CSF3R: variants seen among roughly 807,000 people sequenced by gnomAD.
The protein encoded by CSF3R is granulocyte colony-stimulating factor receptor.
CSF3R carries 52 observed loss-of-function variants against 84.4 expected under a neutral mutation model. That is an observed-to-expected ratio of 0.62 (90% CI 0.49 to 0.78). The LOEUF (loss-of-function observed/expected upper bound fraction) is 0.78, where lower values mean the gene tolerates loss of function less well. Among genes scored for constraint, CSF3R ranks in the 30% least tolerant of loss-of-function variants. The probability of loss-of-function intolerance (pLI) is 0.00; values close to 1 mark genes in which losing one functional copy is unlikely to be tolerated. For synonymous variants in CSF3R, 384 were observed against 429.1 expected (o/e 0.89, Z 1.30); for missense variants, 890 against 1,055.7 (o/e 0.84, Z 2.17).
rs759137820 is a variant in CSF3R, at chr1:36,467,347, C to A, written c.1959-36G>T. 97 of 1,601,414 alleles carry A rather than the reference C, an allele frequency of 6.1e-5. No individual in the cohort carries two copies. Among genetic ancestry groups the A allele is most frequent in the Non-Finnish European group, 7.8e-5 (91 of 1,168,644 alleles). On this transcript the variant is annotated intron_variant, in intron 15 of 16. Coordinates refer to ENST00000373106, the MANE Select transcript of CSF3R (RefSeq NM_000760.4). The surrounding 1 kb of genome is among the most constrained non-coding windows in gnomAD (Gnocchi z 4.1). ...GGGCAGGTGGAGGCTGAGTCAGACA[C>A]ACCCTCCGATCTTTCCATTTTTTGT...
At chr1:36,471,775 C>A (rs373866045) in intron 9 of CSF3R, 129 bp from the exon 10 acceptor site, 1 of 920,506 alleles carries the variant, frequency 1.1e-6, no homozygotes, top group Non-Finnish European at 1.7e-6. Flanking sequence ...TTCTCACCCC[C>A]CTCCCCTTTT....
chr1:36,477,507 G>C (rs1388821624), intron 3 of CSF3R: 2 of 151,864 alleles, frequency 1.3e-5, no homozygotes, highest in Non-Finnish European at 2.9e-5. Context: ...TGATCCACCC[G>C]CCTCAGCCTC....
chr1:36,466,955 C>A lies in CSF3R; in HGVS notation c.2041-128G>T. ...GTTACTGGTGGAACACAAAGGGTAC[C>A]ACTTGCAAAGCACTAGTATGTTCCT... On this transcript the variant is annotated intron_variant, in intron 16 of 16. Transcript: ENST00000373106. The surrounding 1 kb of genome is among the most constrained non-coding windows in gnomAD (Gnocchi z 4.6). 6.2e-7 allele frequency: 1 copy of A among 1,606,912 alleles called. No individual in the cohort carries two copies. The highest frequency in any genetic ancestry group is 1.1e-5 in the South Asian group (1 of 90,668).
In CSF3R at chr1:36,466,714, A is replaced by C. The variant is rs753273877; in HGVS notation, c.2154T>G (p.Cys718Trp). The C allele has an allele frequency of 1.2e-6, 2 of 1,614,190 alleles. No individual in the cohort carries two copies. The highest frequency in any genetic ancestry group is 3.3e-5 in the Admixed American group (2 of 60,022). The stretch of plus-strand genomic sequence containing the variant: ...AGGTCTGGACCAGAGTGGGGAGGCC[A>C]CAGGTCTCTGAGCTGTTATGGGACT... ...PWESHNSSET[C>W]GLPTLVQTYV... Residue 718 changes from cysteine (C) to tryptophan (W), a missense_variant, in exon 17 of 17, where the codon TGT becomes TGG. Transcript: ENST00000373106. This position sits in a 1 kb window ranked among gnomAD's most constrained non-coding sequence, Gnocchi z 4.6.
At chr1:36,474,764 C>A (rs567988060) in intron 4 of CSF3R, among the ~76,000 whole-genome samples, 27 of 152,120 alleles carry the variant, frequency 1.8e-4, no homozygotes, top group Non-Finnish European at 3.1e-4. Context: ...CCTGGAGACA[C>A]CCTCAGATGG....
intron 3 of CSF3R, chr1:36,475,950 A>G (rs975666211): frequency 1.5e-5 from 6 of 394,250 alleles, no homozygotes; most frequent in African/African-American, 1.2e-4. Flanking sequence ...AAGTGCTCTC[A>G]CTGTAGCTGA....
At chr1:36,475,709 C>T (rs1449036504) in intron 3 of CSF3R, 36 bp from the exon 4 acceptor site, 3 of 1,590,286 alleles carry the variant, frequency 1.9e-6, no homozygotes, top group East Asian at 2.2e-5. Context: ...AACGACGCCT[C>T]TGCCTAGCAG....
chr1:36,469,276 G>A lies in CSF3R; in HGVS notation c.1475-19C>T. 6.3e-7 allele frequency: 1 copy of A among 1,586,160 alleles called. No homozygotes were observed. The highest frequency in any genetic ancestry group is 8.7e-7 in the Non-Finnish European group (1 of 1,154,554). Reference sequence around the variant, plus strand: ...ATGTTCTCTGTAGAGAGAAAATGGGGTAGGCACTTCTGTTAGGGCCTAACC... The same window carrying A: ...ATGTTCTCTGTAGAGAGAAAATGGGATAGGCACTTCTGTTAGGGCCTAACC... On this transcript the variant is annotated intron_variant, in intron 11 of 16. Coordinates refer to ENST00000373106, the MANE Select transcript of CSF3R (RefSeq NM_000760.4).
chr1:36,474,390 CTTT>C (rs911099378), intron 4 of CSF3R, among the ~76,000 whole-genome samples: 11 of 86,268 alleles, frequency 1.3e-4, no homozygotes, highest in African/African-American at 3.6e-4. Context: ...ATTACTGGTG[CTTT>C]TTTTTTTTTT....
chr1:36,480,081 C>G (rs1190899244), intron 2 of CSF3R: 1 of 178,576 alleles, frequency 5.6e-6, no homozygotes, highest in Non-Finnish European at 1.2e-5. Flanking sequence ...CAATTTATCC[C>G]TTGGATGGGA....
Position 36,472,700 on chromosome 1 carries a change from G to A in CSF3R, c.674-14C>T. 1.3e-6 allele frequency: 2 copies of A among 1,580,510 alleles called. No individual in the cohort carries two copies. The highest frequency in any genetic ancestry group is 1.7e-6 in the Non-Finnish European group (2 of 1,161,060). On this transcript the variant is annotated splice_polypyrimidine_tract_variant and intron_variant, in intron 6 of 16. Coordinates refer to ENST00000373106, the MANE Select transcript of CSF3R (RefSeq NM_000760.4). This position sits in a 1 kb window ranked among gnomAD's most constrained non-coding sequence, Gnocchi z 5.0. ...GCTCCAGTTTCACTGCAAGGAGTGG[G>A]GCTGTCAGAAGGTCTCCCTATCCCA... is the stretch of plus-strand genomic sequence containing the variant.
At chr1:36,480,435 C>T (rs748352088) in intron 2 of CSF3R, among the ~76,000 whole-genome samples, 21 of 152,328 alleles carry the variant, frequency 1.4e-4, no homozygotes, top group Middle Eastern at 3.4e-3. Context: ...CATGAGGTCA[C>T]GGCCATAGCA....
At chr1:36,471,760 C>T (rs1450275473) in intron 9 of CSF3R, 114 bp from the exon 10 acceptor site, 3 of 1,042,584 alleles carry the variant, frequency 2.9e-6, no homozygotes, top group Admixed American at 2.1e-5. Context: ...GGCTGGGGTC[C>T]AGGCTTCTCA....
rs1253540630 is a variant in CSF3R, at chr1:36,473,888, C to G, written c.362-1G>C. ...AGGTTGTGGGGTATGGCTGGAGGGT[C>G]TGCATGTGGGTGGGAAGAGTGTGAG... On this transcript the variant is annotated splice_acceptor_variant, in intron 4 of 16. Coordinates refer to ENST00000373106, the MANE Select transcript of CSF3R (RefSeq NM_000760.4). LOFTEE classifies it high-confidence loss of function. The G allele has an allele frequency of 6.2e-7, 1 of 1,614,010 alleles. No individual in the cohort carries two copies. The highest frequency in any genetic ancestry group is 8.5e-7 in the Non-Finnish European group (1 of 1,179,966).
In CSF3R at chr1:36,467,008, C is replaced by T. The variant is rs561923061; in HGVS notation, c.2041-181G>A. 3.2e-5 allele frequency: 46 copies of T among 1,454,626 alleles called. No individual in the cohort carries two copies. Among genetic ancestry groups the T allele is most frequent in the Admixed American group, 2.1e-4 (11 of 53,252 alleles). 90.1% of individuals were successfully genotyped at this position (1,454,626 alleles called of 1,614,324 possible). ...CACATGCCTGACACATGCCATGCAC[C>T]GTTCAGACTCAGCATGGTCAGTTTT... is the stretch of plus-strand genomic sequence containing the variant. On this transcript the variant is annotated intron_variant, in intron 16 of 16. Transcript: ENST00000373106. This position sits in a 1 kb window ranked among gnomAD's most constrained non-coding sequence, Gnocchi z 4.1.
In CSF3R at chr1:36,475,852, G is replaced by C. The variant is rs1651114476; in HGVS notation, c.65-179C>G. ...TTCGAGAGGCTACGGGGGTGACACA[G>C]AGATAGTGATGTGCTGGTAACCGTT... is the stretch of plus-strand genomic sequence containing the variant. On this transcript the variant is annotated intron_variant, in intron 3 of 16. Coordinates refer to ENST00000373106, the MANE Select transcript of CSF3R (RefSeq NM_000760.4). 8.1e-6 allele frequency: 5 copies of C among 617,744 alleles called. No homozygotes were observed. In the South Asian group the frequency reaches 8.8e-5, roughly 11 times the overall value. 38.3% of individuals were successfully genotyped at this position (617,744 alleles called of 1,614,324 possible).
Position 36,467,041 on chromosome 1 carries a change from C to G in CSF3R, c.2040+189G>C. Reference sequence around the variant, plus strand: ...CTCAGCATGGTCAGTTTTTCCATATCACAGGGAGGTGACTGAGGCTTTGAG... The same window carrying G: ...CTCAGCATGGTCAGTTTTTCCATATGACAGGGAGGTGACTGAGGCTTTGAG... On this transcript the variant is annotated intron_variant, in intron 16 of 16. Transcript: ENST00000373106. The surrounding 1 kb of genome is among the most constrained non-coding windows in gnomAD (Gnocchi z 4.1). 7.6e-7 allele frequency: 1 copy of G among 1,324,194 alleles called. No individual in the cohort carries two copies. The allele number at this position is 1,324,194 out of a possible 1,614,324, so 82.0% of individuals were successfully genotyped here. A position where few individuals can be genotyped will look rare whatever the true frequency, so the allele number is the denominator to read the frequency against.
rs1360968599 is a variant in CSF3R at position 36,467,355 on chromosome 1, G to A, written c.1959-44C>T. On this transcript the variant is annotated intron_variant, in intron 15 of 16. Transcript: ENST00000373106. The surrounding 1 kb of genome is among the most constrained non-coding windows in gnomAD (Gnocchi z 4.1). The stretch of plus-strand genomic sequence containing the variant: ...GGAGGCTGAGTCAGACACACCCTCC[G>A]ATCTTTCCATTTTTTGTCCCACCCA... The A allele has an allele frequency of 1.9e-5, 30 of 1,593,406 alleles. No individual in the cohort carries two copies. The highest frequency in any genetic ancestry group is 1.7e-4 in the Middle Eastern group (1 of 5,930).
In CSF3R at chr1:36,473,570, T is replaced by C; in HGVS notation, c.538A>G (p.Lys180Glu). 6.2e-7 allele frequency: 1 copy of C among 1,614,214 alleles called. No homozygotes were observed. Among genetic ancestry groups the C allele is most frequent in the Non-Finnish European group, 8.5e-7 (1 of 1,180,058 alleles). The change falls in exon 6 of 17, where the codon AAG becomes GAG. Residue 180 changes from lysine (K) to glutamate (E), a missense_variant. Coordinates refer to ENST00000373106, the MANE Select transcript of CSF3R (RefSeq NM_000760.4). ...ATGCAGCAGTGGCTCTGCCCGTCCT[T>C]GGGCACGCAGTCCAGGATGGAGTCC... ...QGDSILDCVP[K>E]DGQSHCCIPR...
Sources: gnomAD v4.1 joint callset for allele counts (sites outside exome capture counted in the v4.1 genomes callset) on GRCh38, gnomAD v4.1.1 for gene constraint, Gnocchi (gnomAD v3.1) non-coding constraint, MANE v1.5 for transcripts, NCBI Gene and HGNC (gene_info 2026-07-23, HGNC 2026-07-21) for gene names.